PROS1: variants seen among roughly 807,000 people sequenced by gnomAD.
The protein encoded by PROS1 is protein S, also known as vitamin K-dependent protein S.
A neutral mutation model predicts 75.9 loss-of-function variants in PROS1; 29 were observed. The observed-to-expected ratio is 0.38, with a 90% CI of 0.28 to 0.52. PROS1 has a LOEUF of 0.52. Ranked by LOEUF, PROS1 falls within the 20% of genes least tolerant of loss-of-function variation. The pLI is 0.83. For missense variants in PROS1, 680 were observed against 810.3 expected (o/e 0.84, Z 1.95); for synonymous variants, 245 against 280.6 (o/e 0.87, Z 1.27).
intron 1 of PROS1, among the ~76,000 whole-genome samples, chr3:93,954,164 G>C (rs369621354): frequency 6.6e-6 from 1 of 152,136 alleles, no homozygotes; most frequent in South Asian, 2.1e-4. Context: ...GGTAATTTAT[G>C]GATTCAATGC....
At chr3:93,933,551 GT>G (rs1446314221) in intron 1 of PROS1, among the ~76,000 whole-genome samples, 1 of 151,656 alleles carries the variant, frequency 6.6e-6, no homozygotes, top group Non-Finnish European at 1.5e-5. Flanking sequence ...TCCAGCCTGG[GT>G]GAAAGCACAA....
intron 6 of PROS1, among the ~76,000 whole-genome samples, chr3:93,901,194 C>G (rs770370756): frequency 6.6e-6 from 1 of 152,140 alleles, no homozygotes; most frequent in Non-Finnish European, 1.5e-5. Context: ...TAGAAATTTT[C>G]TTATCTGCCA....
Position 93,928,605 on chromosome 3 carries a change from C to T in PROS1, c.77-1198G>A, listed in dbSNP as rs1709062337. ...AAACTTTCTCAATTTTAATGAAAAACCTTTGTGATCTCTGTGGAGATTGTT... is the reference window on the plus strand; with the variant it reads ...AAACTTTCTCAATTTTAATGAAAAATCTTTGTGATCTCTGTGGAGATTGTT... On this transcript the variant is annotated intron_variant, in intron 1 of 14. Transcript: ENST00000394236. 7 of 352,600 alleles carry T rather than the reference C, an allele frequency of 2.0e-5. No homozygotes were observed. The South Asian group carries it at 2.2e-4, about 11-fold the overall frequency. The allele number at this position is 352,600 out of a possible 1,614,324, so 21.8% of individuals were successfully genotyped here. A position where few individuals can be genotyped will look rare whatever the true frequency, so the allele number is the denominator to read the frequency against.
At chr3:93,885,866 T>C (rs1174027422) in intron 11 of PROS1, among the ~76,000 whole-genome samples, 3 of 152,166 alleles carry the variant, frequency 2.0e-5, no homozygotes, top group African/African-American at 7.2e-5. Flanking sequence ...TATTTAACAA[T>C]AAATTTCACC....
chr3:93,967,165 C>A (rs1382448191), intron 1 of PROS1, among the ~76,000 whole-genome samples: 1 of 152,136 alleles, frequency 6.6e-6, no homozygotes, highest in Non-Finnish European at 1.5e-5. Flanking sequence ...AGTAAAAACA[C>A]CAAATTTTTC....
chr3:93,922,815 C>T (rs1708961212), intron 3 of PROS1, among the ~76,000 whole-genome samples: 1 of 151,806 alleles, frequency 6.6e-6, no homozygotes, highest in African/African-American at 2.4e-5. Context: ...CCACACATGC[C>T]TATATACAAA....
chr3:93,964,478 C>A (rs1293299846), intron 1 of PROS1, among the ~76,000 whole-genome samples: 3 of 152,104 alleles, frequency 2.0e-5, no homozygotes, highest in Non-Finnish European at 2.9e-5. Context: ...CCTGCAGTAC[C>A]CTCAGGCTTA....
intron 3 of PROS1, among the ~76,000 whole-genome samples, chr3:93,915,114 T>C (rs1345488821): frequency 6.6e-6 from 1 of 152,210 alleles, no homozygotes; most frequent in African/African-American, 2.4e-5. Context: ...CCCTTTTAAT[T>C]GTAAATCCAA....
chr3:93,934,195 G>C lies in PROS1; in HGVS notation c.77-6788C>G, dbSNP rs765391615. On this transcript the variant is annotated intron_variant, in intron 1 of 14. Coordinates refer to ENST00000394236, the MANE Select transcript of PROS1 (RefSeq NM_000313.4). ...ACGCCATCACATTAAAAAAAAAAAG[G>C]CTAGTTAATAATGGTAAAAAAATAA... Among the ~76,000 whole-genome samples the C allele has an allele frequency of 4.7e-4, 70 of 150,338 alleles. 2 individuals are homozygous for C. The highest frequency in any genetic ancestry group is 1.5e-4 in the Non-Finnish European group (10 of 67,664).
intron 3 of PROS1, among the ~76,000 whole-genome samples, chr3:93,920,528 C>T (rs2107192255): frequency 6.6e-6 from 1 of 152,148 alleles, no homozygotes; most frequent in East Asian, 1.9e-4. Context: ...ATAGAATTAT[C>T]TAAATACCTT....
At chr3:93,937,627 A>G (rs566936788) in intron 1 of PROS1, among the ~76,000 whole-genome samples, 4 of 152,008 alleles carry the variant, frequency 2.6e-5, no homozygotes, top group Admixed American at 1.3e-4. Flanking sequence ...TCAGCCTCCC[A>G]AAGTACTGGG....
intron 1 of PROS1, among the ~76,000 whole-genome samples, chr3:93,957,607 C>G (rs1264007735): frequency 6.6e-6 from 1 of 152,126 alleles, no homozygotes; most frequent in African/African-American, 2.4e-5. Context: ...GATGGATATG[C>G]TAATTTGCAC....
At chr3:93,921,264 C>G (rs1427415522) in intron 3 of PROS1, among the ~76,000 whole-genome samples, 1 of 152,086 alleles carries the variant, frequency 6.6e-6, no homozygotes, top group African/African-American at 2.4e-5. Flanking sequence ...CACTTAAGAT[C>G]GGACTGAATA....
intron 3 of PROS1, among the ~76,000 whole-genome samples, chr3:93,912,991 C>T (rs1372511813): frequency 6.6e-6 from 1 of 152,150 alleles, no homozygotes; most frequent in African/African-American, 2.4e-5. Context: ...TCTCAGTAGT[C>T]CTGATATGGT....
chr3:93,899,798 G>A (rs896206677), intron 7 of PROS1, among the ~76,000 whole-genome samples: 2 of 152,174 alleles, frequency 1.3e-5, no homozygotes, highest in African/African-American at 4.8e-5. Flanking sequence ...AAAACTCACT[G>A]CTTAATGGTT....
intron 1 of PROS1, among the ~76,000 whole-genome samples, chr3:93,957,332 T>C (rs1160499508): frequency 6.6e-6 from 1 of 152,222 alleles, no homozygotes. Context: ...AAATGTTACA[T>C]TGGTCTCTGG....
rs1012296824 is a variant in PROS1, at chr3:93,879,443, A to G, written c.1493-129T>C. 97 of 1,301,816 alleles carry G rather than the reference A, an allele frequency of 7.5e-5. No individual in the cohort carries two copies. The African/African-American group carries it at 1.2e-3, about 15-fold the overall frequency. 80.6% of individuals were successfully genotyped at this position (1,301,816 alleles called of 1,614,324 possible). A position where few individuals can be genotyped will look rare whatever the true frequency, so the allele number is the denominator to read the frequency against. Reference sequence around the variant, plus strand: ...TAATACTATTTCCATTCCCTTTCTCAATGATCTATATAACCTAGGCAAAAC... The same window carrying G: ...TAATACTATTTCCATTCCCTTTCTCGATGATCTATATAACCTAGGCAAAAC... On this transcript the variant is annotated intron_variant, in intron 12 of 14. Coordinates refer to ENST00000394236, the MANE Select transcript of PROS1 (RefSeq NM_000313.4).
At chr3:93,893,602 C>T (rs575973492) in intron 9 of PROS1, among the ~76,000 whole-genome samples, 1 of 151,962 alleles carries the variant, frequency 6.6e-6, no homozygotes, top group South Asian at 2.1e-4. Flanking sequence ...ACAATTTCAT[C>T]GTTGGTTTAT....
At chr3:93,949,761 C>T (rs1709462980) in intron 1 of PROS1, among the ~76,000 whole-genome samples, 1 of 152,186 alleles carries the variant, frequency 6.6e-6, no homozygotes, top group Non-Finnish European at 1.5e-5. Flanking sequence ...CTACAGCTCC[C>T]AGCATGAGCA....
Sources: allele counts gnomAD v4.1 joint callset (sites outside exome capture counted in the v4.1 genomes callset), GRCh38; gene constraint gnomAD v4.1.1; transcripts MANE v1.5; gene names NCBI Gene and HGNC (gene_info 2026-07-23, HGNC 2026-07-21).